The following SORBS2 variants were observed in gnomAD, a reference collection of about 807,000 sequenced individuals.
SORBS2 encodes the protein sorbin and SH3 domain-containing protein 2.
A neutral mutation model predicts 97.7 loss-of-function variants in SORBS2; 46 were observed. The ratio of observed to expected loss-of-function variants is 0.47; its 90% CI spans 0.37 to 0.60. The LOEUF is 0.60. Ranked by LOEUF, SORBS2 falls within the 20% of genes least tolerant of loss-of-function variation. The probability of loss-of-function intolerance (pLI) is 0.00; values close to 1 mark genes in which losing one functional copy is unlikely to be tolerated. For missense variants in SORBS2, 1,316 were observed against 1,282.3 expected (o/e 1.03, Z -0.40); for synonymous variants, 476 against 473.4 (o/e 1.01, Z -0.07).
At chr4:185,712,901 C>T (rs1428591585) in intron 2 of SORBS2, among the ~76,000 whole-genome samples, 2 of 152,188 alleles carry the variant, frequency 1.3e-5, no homozygotes, top group East Asian at 1.9e-4. Context: ...AACCTGCACA[C>T]CTCTCATCAC....
chr4:185,696,899 G>A (rs1447730155), intron 2 of SORBS2, among the ~76,000 whole-genome samples: 1 of 152,132 alleles, frequency 6.6e-6, no homozygotes, highest in Admixed American at 6.5e-5. Context: ...CTTATAATGT[G>A]CAAATCAAAA....
chr4:185,890,740 G>T (rs1012103578), intron 1 of SORBS2, among the ~76,000 whole-genome samples: 1 of 152,142 alleles, frequency 6.6e-6, no homozygotes, highest in Non-Finnish European at 1.5e-5. Context: ...GGAGCATGGG[G>T]ACACCCTCCT....
At chr4:185,761,658 G>A (rs1294402631) in intron 2 of SORBS2, 3 of 152,228 alleles carry the variant, frequency 2.0e-5, no homozygotes, top group African/African-American at 2.4e-5. Flanking sequence ...AAGTGACAAC[G>A]AAGCAAGTGA....
At chr4:185,711,095 G>A (rs2098416571) in intron 2 of SORBS2, among the ~76,000 whole-genome samples, 1 of 151,960 alleles carries the variant, frequency 6.6e-6, no homozygotes, top group Non-Finnish European at 1.5e-5. Flanking sequence ...TCAGCCTCTT[G>A]AGTAGCTGGG....
At chr4:185,716,401 C>T (rs183733799) in intron 2 of SORBS2, among the ~76,000 whole-genome samples, 3 of 152,290 alleles carry the variant, frequency 2.0e-5, no homozygotes, top group African/African-American at 7.2e-5. Flanking sequence ...CCAGTGGATG[C>T]GTATACACGA....
chr4:185,926,508 C>A (rs1273025639), intron 1 of SORBS2, among the ~76,000 whole-genome samples: 1 of 146,284 alleles, frequency 6.8e-6, no homozygotes, highest in Non-Finnish European at 1.5e-5. Context: ...AGTTGGAAAG[C>A]GTTTCGTTTT....
intron 1 of SORBS2, among the ~76,000 whole-genome samples, chr4:185,862,132 T>C (rs1427268710): frequency 1.3e-5 from 2 of 152,096 alleles, no homozygotes; most frequent in African/African-American, 2.4e-5. Context: ...ACAGTGTATG[T>C]ATATGTGTGT....
intron 4 of SORBS2, among the ~76,000 whole-genome samples, chr4:185,674,423 C>G (rs2097763939): frequency 6.6e-6 from 1 of 152,134 alleles, no homozygotes; most frequent in Non-Finnish European, 1.5e-5. Flanking sequence ...CTGCTTTGAG[C>G]CCCATCATTT....
Position 185,827,732 on chromosome 4 carries a change from TCATCATCAC to T in SORBS2, c.-337-52375_-337-52367del, listed in dbSNP as rs1585261216. Among the ~76,000 whole-genome samples the T allele has an allele frequency of 1.1e-4, 13 of 121,736 alleles. 1 individual carries two copies. The highest frequency in any genetic ancestry group is 5.4e-4 in the South Asian group (2 of 3,696). The allele number at this position is 121,736 out of a possible 152,430, so 79.9% of individuals were successfully genotyped here. A position where few individuals can be genotyped will look rare whatever the true frequency, so the allele number is the denominator to read the frequency against. ...ATCATCACCATCACCATCATCACCA[TCATCATCAC>T]CATCATCACCATCATCACCATCATC... On this transcript the variant is annotated intron_variant, in intron 1 of 20. Coordinates refer to the SORBS2 transcript ENST00000284776.
intron 12 of SORBS2, among the ~76,000 whole-genome samples, chr4:185,600,417 C>A (rs376140617): frequency 2.6e-4 from 39 of 152,342 alleles, no homozygotes; most frequent in Middle Eastern, 3.4e-3. Context: ...CGGCTCACTG[C>A]AACCTCCATC....
intron 2 of SORBS2, among the ~76,000 whole-genome samples, chr4:185,769,710 G>A (rs567171516): frequency 2.6e-5 from 4 of 152,184 alleles, no homozygotes; most frequent in Admixed American, 6.5e-5. Context: ...GGCTAGTCTC[G>A]AACTCCCGAC....
rs1419093990 is a variant in SORBS2 at position 185,723,187 on chromosome 4, G to A, written c.-197-44365C>T. ...ATCCCACAGCCACTAAAAGCATATC[G>A]TATTTGGGGCACAACTCTGGCCATA... On this transcript the variant is annotated intron_variant, in intron 2 of 20. Transcript: ENST00000284776. 7.9e-5 allele frequency among the ~76,000 whole-genome samples: 12 copies of A among 152,140 alleles called. No homozygotes were observed. The South Asian group carries it at 1.5e-3, about 18-fold the overall frequency.
At chr4:185,886,901 G>A (rs2149792027) in intron 1 of SORBS2, among the ~76,000 whole-genome samples, 1 of 152,316 alleles carries the variant, frequency 6.6e-6, no homozygotes, top group Non-Finnish European at 1.5e-5. Flanking sequence ...GTATAACTTA[G>A]ACCAAATGGT....
At chr4:185,750,906 G>A (rs756355346) in intron 2 of SORBS2, among the ~76,000 whole-genome samples, 2 of 151,908 alleles carry the variant, frequency 1.3e-5, no homozygotes, top group Non-Finnish European at 2.9e-5. Context: ...TTGACCTTAG[G>A]TGGGTCAAGG....
intron 12 of SORBS2, among the ~76,000 whole-genome samples, chr4:185,603,133 C>T (rs1357267443): frequency 1.3e-5 from 2 of 152,072 alleles, no homozygotes; most frequent in African/African-American, 4.8e-5. Context: ...CTTTTTAAAT[C>T]CTGGCTTTGT....
At chr4:185,906,548 AAC>A (rs1479786960) in intron 1 of SORBS2, among the ~76,000 whole-genome samples, 2 of 152,228 alleles carry the variant, frequency 1.3e-5, no homozygotes, top group Non-Finnish European at 2.9e-5. Context: ...GTATGAAATA[AAC>A]ACATACTGAA....
At chr4:185,680,128 TG>T (rs1429141664) in intron 2 of SORBS2, among the ~76,000 whole-genome samples, 1 of 152,220 alleles carries the variant, frequency 6.6e-6, no homozygotes, top group African/African-American at 2.4e-5. Flanking sequence ...GAATTATGCA[TG>T]AAATGTTTAT....
intron 2 of SORBS2, among the ~76,000 whole-genome samples, chr4:185,689,675 T>C (rs757458046): frequency 3.3e-5 from 5 of 152,178 alleles, no homozygotes; most frequent in Non-Finnish European, 7.3e-5. Flanking sequence ...GGATTAGGTA[T>C]TGGTCCTCGC....
At chr4:185,876,760 T>C (rs550624830) in intron 1 of SORBS2, among the ~76,000 whole-genome samples, 7 of 152,316 alleles carry the variant, frequency 4.6e-5, no homozygotes, top group South Asian at 2.1e-4. Flanking sequence ...CTAACTACTA[T>C]TGGCTTATTT....
Sources: allele counts gnomAD v4.1 joint callset (sites outside exome capture counted in the v4.1 genomes callset), GRCh38; gene constraint gnomAD v4.1.1; transcripts MANE v1.5; gene names NCBI Gene and HGNC (gene_info 2026-07-23, HGNC 2026-07-21).